Variants in RPS6KC1 observed in about 807,000 individuals in gnomAD.
RPS6KC1 encodes inactive ribosomal protein S6 kinase delta-1.
Under a neutral mutation model 103.8 loss-of-function variants are expected in RPS6KC1, and 54 were observed. The observed-to-expected ratio is 0.52, with a 90% CI of 0.42 to 0.65. The LOEUF is 0.65. RPS6KC1 is among the 30% of genes least tolerant of loss of function. RPS6KC1 has a pLI of 0.00. For missense variants in RPS6KC1, 1,151 were observed against 1,253.8 expected (o/e 0.92, Z 1.24); for synonymous variants, 439 against 438.7 (o/e 1.00, Z -0.01).
chr1:213,119,652 A>G (rs1057206940), intron 5 of RPS6KC1, among the ~76,000 whole-genome samples: 4 of 151,700 alleles, frequency 2.6e-5, no homozygotes, highest in Non-Finnish European at 4.4e-5. Context: ...GGAGTCAACC[A>G]TGGTGAAAGA....
At chr1:213,408,588 G>A in the RPS6KC1 span, among the ~76,000 whole-genome samples, 20 of 152,226 alleles carry the variant, frequency 1.3e-4, no homozygotes, top group South Asian at 4.1e-4. Context: ...TCAAGACTGC[G>A]GCACCAACTA....
chr1:213,737,791 C>T, the RPS6KC1 span, among the ~76,000 whole-genome samples: 12 of 152,178 alleles, frequency 7.9e-5, no homozygotes, highest in African/African-American at 2.9e-4. Flanking sequence ...TACCTACAGG[C>T]AAGAAAAAGG....
chr1:213,602,613 C>T, the RPS6KC1 span, among the ~76,000 whole-genome samples: 2 of 152,040 alleles, frequency 1.3e-5, no homozygotes, highest in Non-Finnish European at 2.9e-5. Context: ...TCAGGATCCC[C>T]AAGAGAAGAG....
chr1:213,678,940 A>G, the RPS6KC1 span, among the ~76,000 whole-genome samples: 1 of 152,200 alleles, frequency 6.6e-6, no homozygotes, highest in African/African-American at 2.4e-5. Flanking sequence ...GTAAAACACT[A>G]GCACAATTCC....
the RPS6KC1 span, among the ~76,000 whole-genome samples, chr1:213,358,850 A>C: frequency 1.3e-5 from 2 of 152,192 alleles, no homozygotes; most frequent in Admixed American, 6.5e-5. Flanking sequence ...TTCAGTTTCC[A>C]TGTAGTTGAG....
the RPS6KC1 span, among the ~76,000 whole-genome samples, chr1:213,484,087 A>G: frequency 6.6e-6 from 1 of 152,158 alleles, no homozygotes; most frequent in Admixed American, 6.6e-5. Context: ...TGTCAACAAG[A>G]TTTTATTTTA....
At chr1:213,107,012 C>G (rs1419243852) in intron 4 of RPS6KC1, among the ~76,000 whole-genome samples, 1 of 152,078 alleles carries the variant, frequency 6.6e-6, no homozygotes, top group Non-Finnish European at 1.5e-5. Flanking sequence ...ACAATCTCGG[C>G]TAACCGCAAC....
At chr1:213,813,815 G>A in the RPS6KC1 span, among the ~76,000 whole-genome samples, 1 of 152,240 alleles carries the variant, frequency 6.6e-6, no homozygotes, top group East Asian at 1.9e-4. Flanking sequence ...GCTCGTCTCT[G>A]GGAGTCCATA....
the RPS6KC1 span, among the ~76,000 whole-genome samples, chr1:213,363,714 CTTTCTTTCTTTCGTTCTTTCTT>C: frequency 3.3e-3 from 362 of 111,254 alleles, 35 homozygotes; most frequent in Middle Eastern, 0.018. Context: ...TTCTTTCTTT[CTTTCTTTCTTTCGTTCTTTCTT>C]TCTCTCTTCT....
At chr1:213,476,219 G>A in the RPS6KC1 span, among the ~76,000 whole-genome samples, 1 of 152,152 alleles carries the variant, frequency 6.6e-6, no homozygotes, top group African/African-American at 2.4e-5. Flanking sequence ...TCCCCAGGAG[G>A]ATCTTGACTG....
the RPS6KC1 span, among the ~76,000 whole-genome samples, chr1:213,479,304 C>T: frequency 6.6e-6 from 1 of 151,860 alleles, no homozygotes; most frequent in African/African-American, 2.4e-5. Context: ...TAGATATTAC[C>T]AAATTTATCT....
chr1:213,535,861 T>G, the RPS6KC1 span, among the ~76,000 whole-genome samples: 1 of 152,086 alleles, frequency 6.6e-6, no homozygotes, highest in African/African-American at 2.4e-5. Context: ...TGCTCATTCC[T>G]GAACCAATCA....
chr1:213,593,945 A>G, the RPS6KC1 span, among the ~76,000 whole-genome samples: 1 of 152,138 alleles, frequency 6.6e-6, no homozygotes, highest in Non-Finnish European at 1.5e-5. Context: ...GGCTCACTGC[A>G]ACCTCTGCCT....
At chr1:213,078,088 C>G (rs1318039561) in intron 3 of RPS6KC1, among the ~76,000 whole-genome samples, 1 of 152,060 alleles carries the variant, frequency 6.6e-6, no homozygotes, top group African/African-American at 2.4e-5. Context: ...AGGTGATATT[C>G]AGTTATTCTT....
chr1:213,353,455 C>T, the RPS6KC1 span, among the ~76,000 whole-genome samples: 1 of 152,224 alleles, frequency 6.6e-6, no homozygotes. Flanking sequence ...CCTGGGGTAA[C>T]CCAGCCAGTA....
chr1:213,459,889 G>A, the RPS6KC1 span, among the ~76,000 whole-genome samples: 1 of 152,194 alleles, frequency 6.6e-6, no homozygotes, highest in Non-Finnish European at 1.5e-5. Flanking sequence ...CCATGTAGTT[G>A]TGTGGTTTTG....
intron 3 of RPS6KC1, among the ~76,000 whole-genome samples, chr1:213,092,943 A>C: frequency 6.7e-6 from 1 of 150,194 alleles, no homozygotes; most frequent in Admixed American, 6.6e-5. Context: ...TGGCTTCTTA[A>C]AAAAGAAACT....
At chr1:213,559,394 A>C in the RPS6KC1 span, among the ~76,000 whole-genome samples, 161 of 152,320 alleles carry the variant, frequency 1.1e-3, no homozygotes, top group African/African-American at 3.7e-3. Flanking sequence ...TTATATGCCC[A>C]AAAAAAGTAT....
intron 3 of RPS6KC1, among the ~76,000 whole-genome samples, chr1:213,089,327 G>A (rs2080744712): frequency 6.6e-6 from 1 of 151,982 alleles, no homozygotes; most frequent in Non-Finnish European, 1.5e-5. Flanking sequence ...TCACATTTCT[G>A]TTGTTTTCTC....
Sources: allele counts gnomAD v4.1 joint callset (sites outside exome capture counted in the v4.1 genomes callset), GRCh38; gene constraint gnomAD v4.1.1; transcripts MANE v1.5; gene names NCBI Gene and HGNC (gene_info 2026-07-23, HGNC 2026-07-21).